Variants in LRPPRC observed in about 807,000 individuals in gnomAD.
The protein encoded by LRPPRC is leucine rich pentatricopeptide repeat containing.
Under a neutral mutation model 180.3 loss-of-function variants are expected in LRPPRC, and 120 were observed. That is an observed-to-expected ratio of 0.67 (90% CI 0.57 to 0.77). The LOEUF (loss-of-function observed/expected upper bound fraction) is 0.77. Among genes scored for constraint, LRPPRC ranks in the 30% least tolerant of loss-of-function variants. The pLI, the probability that LRPPRC is intolerant of heterozygous loss-of-function variation, is 0.00. For missense variants in LRPPRC, 2,012 were observed against 1,657.2 expected, an observed-to-expected ratio of 1.21 and a Z score of -3.72; for synonymous variants, 723 against 600.0, an observed-to-expected ratio of 1.21 and a Z score of -3.00.
chr2:43,947,845 G>A (rs1672747782), intron 18 of LRPPRC, 70 bp from the exon 19 acceptor site: 1 of 1,026,506 alleles, frequency 9.7e-7, no homozygotes, highest in Non-Finnish European at 1.5e-6. Flanking sequence ...AACATCAAAA[G>A]CAAATTTGTA....
chr2:43,950,043 T>C (rs1672838761), intron 15 of LRPPRC, among the ~76,000 whole-genome samples: 1 of 152,236 alleles, frequency 6.6e-6, no homozygotes, highest in Non-Finnish European at 1.5e-5. Context: ...GACACTGAAC[T>C]GGTTTCCTCA....
chr2:43,938,471 G>C (rs1370762908), intron 23 of LRPPRC, among the ~76,000 whole-genome samples: 1 of 152,166 alleles, frequency 6.6e-6, no homozygotes, highest in Admixed American at 6.5e-5. Flanking sequence ...TCATTAACTT[G>C]AATAGACTCA....
At chr2:43,939,651 T>C (rs564816881) in intron 23 of LRPPRC, among the ~76,000 whole-genome samples, 9 of 152,312 alleles carry the variant, frequency 5.9e-5, no homozygotes, top group East Asian at 5.8e-4. Context: ...TTGAAAGAGC[T>C]AAATGTTTTT....
intron 14 of LRPPRC, among the ~76,000 whole-genome samples, chr2:43,952,044 T>C (rs1672926588): frequency 6.6e-6 from 1 of 152,100 alleles, no homozygotes; most frequent in African/African-American, 2.4e-5. Context: ...AAATACAAAA[T>C]TAGCCAGGCG....
intron 2 of LRPPRC, among the ~76,000 whole-genome samples, chr2:43,980,690 C>T (rs1215931717): frequency 6.6e-6 from 1 of 152,114 alleles, no homozygotes; most frequent in Non-Finnish European, 1.5e-5. Flanking sequence ...TTCCCTCTCC[C>T]TATATCTGTA....
intron 36 of LRPPRC, among the ~76,000 whole-genome samples, chr2:43,893,699 C>T (rs1367746711): frequency 6.6e-6 from 1 of 152,142 alleles, no homozygotes; most frequent in East Asian, 1.9e-4. Flanking sequence ...TTGTGGTGGT[C>T]TGGAACCATA....
chr2:43,936,555 A>C (rs1360177156), intron 23 of LRPPRC, among the ~76,000 whole-genome samples: 2 of 152,208 alleles, frequency 1.3e-5, no homozygotes. Context: ...CCTATTATAC[A>C]AATGTTACAT....
At chr2:43,948,023 T>C in intron 18 of LRPPRC, 99 bp downstream of exon 18, 1 of 873,902 alleles carries the variant, frequency 1.1e-6, no homozygotes, top group Non-Finnish European at 1.9e-6. Context: ...TGAAACAAAT[T>C]TTTTTTCTGA....
chr2:43,978,386 A>C (rs931167808), intron 3 of LRPPRC, among the ~76,000 whole-genome samples: 1 of 152,190 alleles, frequency 6.6e-6, no homozygotes, highest in Non-Finnish European at 1.5e-5. Flanking sequence ...CCATCCTTAT[A>C]AAGCAGACAC....
At chr2:43,948,667 T>C in intron 16 of LRPPRC, 149 bp from the exon 17 acceptor site, 1 of 662,268 alleles carries the variant, frequency 1.5e-6, no homozygotes. Context: ...GGCATAGAGA[T>C]TATGTGGTTT....
Position 43,918,258 on chromosome 2 carries a change from C to G in LRPPRC, c.3037G>C (p.Glu1013Gln). ...GNQEVPFDVP[E>Q]LWYEDEKHSL... ...ACGATTATGCCAAAAACAATTACCTCAGGTACGTCAAACGGAACTTCCTGG... is the reference window on the plus strand; with the variant it reads ...ACGATTATGCCAAAAACAATTACCTGAGGTACGTCAAACGGAACTTCCTGG... Residue 1013 changes from glutamate (E) to glutamine (Q), a missense_variant and splice_region_variant, in exon 28 of 38, where the codon GAG (glutamate) becomes CAG (glutamine). By Grantham distance (29) the Glu-to-Gln change is conservative (BLOSUM62 2). Transcript: ENST00000260665. The G allele has an allele frequency of 6.2e-7, 1 of 1,613,242 alleles. No homozygotes were observed. Among genetic ancestry groups the G allele is most frequent in the Non-Finnish European group, 8.5e-7 (1 of 1,179,228 alleles).
chr2:43,945,816 C>G (rs1415278497), intron 21 of LRPPRC, among the ~76,000 whole-genome samples: 2 of 151,962 alleles, frequency 1.3e-5, no homozygotes, highest in Admixed American at 6.6e-5. Context: ...GAAATGTTAT[C>G]AAGCCTCTTA....
Position 43,934,883 on chromosome 2 carries a change from G to T in LRPPRC, c.2505-5C>A. 6.2e-7 allele frequency: 1 copy of T among 1,611,292 alleles called. No individual in the cohort carries two copies. Among genetic ancestry groups the T allele is most frequent in the South Asian group, 1.1e-5 (1 of 90,802 alleles). On this transcript the variant is annotated splice_polypyrimidine_tract_variant and splice_region_variant and intron_variant, in intron 23 of 37. Coordinates refer to ENST00000260665, the MANE Select transcript of LRPPRC (RefSeq NM_133259.4). ...AGAGCAGTAGATAGGTCGCCCCTTA[G>T]AAACAAAAAAATTAGCAATGAATAA... is the stretch of plus-strand genomic sequence containing the variant.
intron 23 of LRPPRC, among the ~76,000 whole-genome samples, chr2:43,939,239 C>A (rs1466072602): frequency 1.3e-5 from 2 of 151,810 alleles, no homozygotes; most frequent in Non-Finnish European, 2.9e-5. Context: ...CAAGATCGTG[C>A]CACTGCACTC....
At chr2:43,993,851 C>T (rs1674897939) in intron 1 of LRPPRC, among the ~76,000 whole-genome samples, 1 of 151,748 alleles carries the variant, frequency 6.6e-6, no homozygotes, top group South Asian at 2.1e-4. Context: ...GTAAGGCTTC[C>T]CTGAAGAGAC....
intron 27 of LRPPRC, among the ~76,000 whole-genome samples, chr2:43,924,318 T>C (rs920465731): frequency 6.6e-6 from 1 of 152,278 alleles, no homozygotes; most frequent in Non-Finnish European, 1.5e-5. Flanking sequence ...TGTACACTAG[T>C]ATAAAAGTAC....
chr2:43,933,053 G>A (rs1374174031), intron 25 of LRPPRC, among the ~76,000 whole-genome samples: 1 of 152,120 alleles, frequency 6.6e-6, no homozygotes, highest in East Asian at 1.9e-4. Flanking sequence ...AAGCGAATGT[G>A]GAAGAAAAAT....
Position 43,934,769 on chromosome 2 carries a change from CA to C in LRPPRC, c.2613del (p.Asp872IlefsTer2). ...AGTGACTCACCTTTCTGAATTAGATCAGTCTCGCCTTTCTCTACCAGTTTAC... is the reference window on the plus strand; with the variant it reads ...AGTGACTCACCTTTCTGAATTAGATCGTCTCGCCTTTCTCTACCAGTTTAC... ...VLCKLVEKGE[T>X]DLIQKAMDFV... On this transcript the variant is annotated frameshift_variant, in exon 24 of 38. Coordinates refer to ENST00000260665, the MANE Select transcript of LRPPRC (RefSeq NM_133259.4). LOFTEE classifies it high-confidence loss of function. The C allele has an allele frequency of 6.2e-7, 1 of 1,612,856 alleles. No homozygotes were observed. Among genetic ancestry groups the C allele is most frequent in the Non-Finnish European group, 8.5e-7 (1 of 1,178,980 alleles).
At chr2:43,899,714 A>G in intron 32 of LRPPRC, 109 bp from the exon 33 acceptor site, 1 of 718,878 alleles carries the variant, frequency 1.4e-6, no homozygotes, top group South Asian at 1.6e-5. Flanking sequence ...ACTTTAGGAA[A>G]AAAATGAAAT....
Sources: allele counts gnomAD v4.1 joint callset (sites outside exome capture counted in the v4.1 genomes callset), GRCh38; gene constraint gnomAD v4.1.1; transcripts MANE v1.5; gene names NCBI Gene and HGNC (gene_info 2026-07-23, HGNC 2026-07-21).